Variants in STAB2 observed in about 807,000 individuals in gnomAD.
STAB2 encodes stabilin-2.
Under a neutral mutation model 338.1 loss-of-function variants are expected in STAB2, and 288 were observed. The observed-to-expected ratio is 0.85, with a 90% CI of 0.77 to 0.94. The LOEUF is 0.94. Among genes scored for constraint, STAB2 ranks in the 40% least tolerant of loss-of-function variants. STAB2 has a pLI of 0.00. For synonymous variants in STAB2, 1,202 were observed against 1,193.3 expected (o/e 1.01, Z -0.15); for missense variants, 3,141 against 3,210.1 (o/e 0.98, Z 0.52).
At chr12:103,614,730 G>A (rs1957183136) in intron 3 of STAB2, among the ~76,000 whole-genome samples, 2 of 152,128 alleles carry the variant, frequency 1.3e-5, no homozygotes, top group African/African-American at 4.8e-5. Context: ...CCATGCAAAG[G>A]CACATCAACT....
At chr12:103,631,454 ACCTGGTGCTGAT>A in intron 5 of STAB2, 132 bp from the exon 6 acceptor site, 7 of 700,288 alleles carry the variant, frequency 1.0e-5, no homozygotes, top group Non-Finnish European at 7.2e-6. Flanking sequence ...AAAAAAAAAA[ACCTGGTGCTGAT>A]AAAAGAGAGA....
Position 103,737,767 on chromosome 12 carries a change from C to T in STAB2, c.5684C>T (p.Thr1895Ile), listed in dbSNP as rs747789734. ...TLGGRCDTFT[T>I]FDASGECGSC... ...GGGGGCCGCTGTGACACCTTTACTA[C>T]TTTCGATGCCTCGGTCAGTCCTAAA... The change falls in exon 53 of 69, where the codon ACT becomes ATT. Residue 1895 changes from threonine to isoleucine, a missense_variant. Transcript: ENST00000388887. 1 of 1,613,896 alleles carries T rather than the reference C, an allele frequency of 6.2e-7. No individual in the cohort carries two copies. The highest frequency in any genetic ancestry group is 8.5e-7 in the Non-Finnish European group (1 of 1,179,968).
intron 26 of STAB2, among the ~76,000 whole-genome samples, chr12:103,684,327 T>G (rs1217838911): frequency 6.6e-6 from 1 of 152,174 alleles, no homozygotes; most frequent in African/African-American, 2.4e-5. Flanking sequence ...GAAGTGGGGT[T>G]GTTATGAACA....
At chr12:103,731,515 G>T in intron 49 of STAB2, 61 bp from the exon 50 acceptor site, 1 of 1,573,320 alleles carries the variant, frequency 6.4e-7, no homozygotes, top group Non-Finnish European at 8.7e-7. Context: ...TTGAGCTCTT[G>T]TTAAATTCCT....
chr12:103,589,173 T>C (rs1161875777), intron 1 of STAB2, among the ~76,000 whole-genome samples: 2 of 152,200 alleles, frequency 1.3e-5, no homozygotes, highest in South Asian at 2.1e-4. Context: ...GTTCTGAAGA[T>C]GTAAAGTTTC....
chr12:103,595,142 C>A (rs1956856647), intron 3 of STAB2, among the ~76,000 whole-genome samples: 1 of 152,118 alleles, frequency 6.6e-6, no homozygotes, highest in Non-Finnish European at 1.5e-5. Flanking sequence ...TGAAATTGAA[C>A]TTTTATCCTT....
At chr12:103,691,779 C>G (rs1305254953) in intron 30 of STAB2, among the ~76,000 whole-genome samples, 1 of 152,204 alleles carries the variant, frequency 6.6e-6, no homozygotes, top group East Asian at 1.9e-4. Context: ...TTCTTCAGGT[C>G]CTCTGCAGAT....
chr12:103,725,751 A>G (rs1471193486), intron 45 of STAB2, among the ~76,000 whole-genome samples: 2 of 152,244 alleles, frequency 1.3e-5, no homozygotes, highest in Non-Finnish European at 2.9e-5. Flanking sequence ...TTATTTAAAG[A>G]GGGACAAAAA....
intron 15 of STAB2, chr12:103,657,558 A>G (rs1453051696): frequency 2.1e-4 from 32 of 152,146 alleles, no homozygotes. Flanking sequence ...GCTCTGTTCA[A>G]TGAGATGACA....
intron 30 of STAB2, among the ~76,000 whole-genome samples, chr12:103,691,237 G>A (rs1877910970): frequency 6.6e-6 from 1 of 152,198 alleles, no homozygotes; most frequent in Non-Finnish European, 1.5e-5. Context: ...AGATTCCACT[G>A]CAAAATGAGA....
At chr12:103,604,599 A>G (rs897878651) in intron 3 of STAB2, among the ~76,000 whole-genome samples, 1 of 151,934 alleles carries the variant, frequency 6.6e-6, no homozygotes, top group Non-Finnish European at 1.5e-5. Context: ...TTTACTTTCA[A>G]TACATTTGTC....
chr12:103,742,467 G>A lies in STAB2; in HGVS notation c.5944G>A (p.Ala1982Thr). ...GGGTGTCTGCCTTGATCAGTACTCG[G>A]CCACCGGAGAGTGTAAATGCAACAC... ...NRGVCLDQYS[A>T]TGECKCNTGF... Residue 1982 changes from alanine (A) to threonine (T), a missense_variant, in exon 56 of 69, where the codon GCC becomes ACC. Transcript: ENST00000388887. 1 of 1,614,116 alleles carries A rather than the reference G, an allele frequency of 6.2e-7. No individual in the cohort carries two copies.
At position 103,652,666 on chromosome 12, in the gene STAB2, C is replaced by A. The variant is rs767754521; in HGVS notation, c.1368C>A (p.Thr456=). The A allele has an allele frequency of 1.2e-6, 2 of 1,602,786 alleles. No homozygotes were observed. The highest frequency in any genetic ancestry group is 1.1e-5 in the South Asian group (1 of 87,308). Residue 456 remains threonine (T), a synonymous_variant, in exon 12 of 69, where the codon ACC becomes ACA. Transcript: ENST00000388887. ...EYMNNTDMFY[T]LTGKSGEIFN... ...TGAATAACACAGACATGTTCTACAC[C>A]TTGACTGGAAAGTCGGGGGAAATCT...
chr12:103,635,889 G>C (rs765011292), intron 6 of STAB2, among the ~76,000 whole-genome samples: 2 of 152,138 alleles, frequency 1.3e-5, no homozygotes, highest in South Asian at 4.2e-4. Flanking sequence ...TATTGTCAAG[G>C]CATCTCTGCA....
intron 3 of STAB2, among the ~76,000 whole-genome samples, chr12:103,607,123 T>C (rs1241386466): frequency 6.6e-6 from 1 of 152,240 alleles, no homozygotes; most frequent in Non-Finnish European, 1.5e-5. Flanking sequence ...TAAGGAATTT[T>C]ATTATAGTGT....
chr12:103,629,628 A>G (rs1957429760), intron 5 of STAB2, among the ~76,000 whole-genome samples: 1 of 152,258 alleles, frequency 6.6e-6, no homozygotes, highest in African/African-American at 2.4e-5. Context: ...AAGGGAGCAC[A>G]GCAGAGGAAA....
intron 33 of STAB2, among the ~76,000 whole-genome samples, chr12:103,696,659 A>G (rs540114562): frequency 6.6e-6 from 1 of 152,266 alleles, no homozygotes; most frequent in South Asian, 2.1e-4. Context: ...GGAATCAGGG[A>G]AAATAGAGAA....
At chr12:103,702,460 G>A (rs987768118) in intron 34 of STAB2, among the ~76,000 whole-genome samples, 6 of 151,912 alleles carry the variant, frequency 3.9e-5, no homozygotes, top group South Asian at 2.1e-4. Context: ...CACCGCGCCC[G>A]GCTAATTTTT....
At position 103,603,340 on chromosome 12, in the gene STAB2, G is replaced by A. The variant is rs183987702; in HGVS notation, c.331+8830G>A. Among the ~76,000 whole-genome samples the A allele has an allele frequency of 7.9e-5, 12 of 152,282 alleles. No homozygotes were observed. In the East Asian group the frequency reaches 2.1e-3, roughly 27 times the overall value. ...CCACCTCAGCCTCCCAAAGTGCTGG[G>A]ATTACAGGCGTGAGCCACCGCACCG... On this transcript the variant is annotated intron_variant, in intron 3 of 68. Coordinates refer to ENST00000388887, the MANE Select transcript of STAB2 (RefSeq NM_017564.10).
Sources: gnomAD v4.1 joint callset for allele counts (sites outside exome capture counted in the v4.1 genomes callset) on GRCh38, gnomAD v4.1.1 for gene constraint, MANE v1.5 for transcripts, NCBI Gene and HGNC (gene_info 2026-07-23, HGNC 2026-07-21) for gene names.